TLN2: variants seen among roughly 807,000 people sequenced by gnomAD.
TLN2 encodes the protein talin-2.
A neutral mutation model predicts 294.7 loss-of-function variants in TLN2; 118 were observed. That is an observed-to-expected ratio of 0.40 (90% CI 0.34 to 0.47). The LOEUF (loss-of-function observed/expected upper bound fraction) is 0.47. Among genes scored for constraint, TLN2 ranks in the 20% least tolerant of loss-of-function variants. The pLI, the probability that TLN2 is intolerant of heterozygous loss-of-function variation, is 0.84. For missense variants in TLN2, 3,083 were observed against 3,282.2 expected, an observed-to-expected ratio of 0.94 and a Z score of 1.48; for synonymous variants, 1,431 against 1,304.5, an observed-to-expected ratio of 1.10 and a Z score of -2.09.
chr15:62,656,283 G>T (rs987234282), intron 8 of TLN2, among the ~76,000 whole-genome samples, 197 bp downstream of exon 8: 2 of 152,216 alleles, frequency 1.3e-5, no homozygotes, highest in African/African-American at 4.8e-5. Flanking sequence ...TGACCATCCG[G>T]AGTAGGGCCT....
chr15:62,495,238 A>G (rs1306632322), intron 1 of TLN2, among the ~76,000 whole-genome samples: 1 of 152,160 alleles, frequency 6.6e-6, no homozygotes, highest in Non-Finnish European at 1.5e-5. Context: ...CCTAGGACCT[A>G]AGAATAGAGA....
chr15:62,800,803 A>C, intron 50 of TLN2, 34 bp downstream of exon 50: 4 of 1,566,624 alleles, frequency 2.6e-6, no homozygotes, highest in Non-Finnish European at 3.5e-6. Flanking sequence ...CTTGGGTACC[A>C]GAGTCCCACA....
At position 62,501,602 on chromosome 15, in the gene TLN2, T is replaced by C. The variant is rs1303530698; in HGVS notation, c.-237-88085T>C. 2.0e-5 allele frequency among the ~76,000 whole-genome samples: 3 copies of C among 152,332 alleles called. No individual in the cohort carries two copies. The East Asian group carries it at 5.8e-4, about 29-fold the overall frequency. On this transcript the variant is annotated intron_variant, in intron 1 of 58. Transcript: ENST00000636159. ...TAAGACCACTTGCTGTGGTGCAGAA[T>C]ATCTGGATTTCAGAAGTGGCTGACA... is the stretch of plus-strand genomic sequence containing the variant.
intron 1 of TLN2, among the ~76,000 whole-genome samples, chr15:62,414,915 A>G (rs2033991219): frequency 7.1e-6 from 1 of 140,084 alleles, no homozygotes; most frequent in African/African-American, 2.6e-5. Context: ...TTATTTATTT[A>G]TTTATTTATT....
intron 14 of TLN2, among the ~76,000 whole-genome samples, chr15:62,696,518 C>G (rs1293342583): frequency 1.3e-5 from 2 of 152,114 alleles, no homozygotes; most frequent in Non-Finnish European, 2.9e-5. Context: ...ACCAGCCTGG[C>G]TAATATGGTG....
chr15:62,647,347 T>A lies in TLN2; in HGVS notation c.37T>A (p.Cys13Ser). ...GTCCTTAAAGATTTGTGTGCGCCAC[T>A]GCAACGTGGTGAAGACCATGCAGTT... is the stretch of plus-strand genomic sequence containing the variant. ...ALSLKICVRH[C>S]NVVKTMQFEP... Residue 13 changes from cysteine to serine, a missense_variant, in exon 4 of 59, where the codon TGC becomes AGC. Transcript: ENST00000636159. 6.2e-7 allele frequency: 1 copy of A among 1,614,230 alleles called. No homozygotes were observed. The highest frequency in any genetic ancestry group is 1.3e-5 in the African/African-American group (1 of 75,062).
chr15:62,783,271 CCT>C (rs2064340263), intron 44 of TLN2, among the ~76,000 whole-genome samples: 2 of 152,262 alleles, frequency 1.3e-5, no homozygotes, highest in Non-Finnish European at 2.9e-5. Context: ...GTCCTCATGC[CCT>C]CTCTCACCTG....
chr15:62,703,797 G>A (rs1393634685), intron 19 of TLN2, among the ~76,000 whole-genome samples: 2 of 152,000 alleles, frequency 1.3e-5, no homozygotes, highest in Non-Finnish European at 2.9e-5. Flanking sequence ...TCTGGGGAGC[G>A]ACTGTCACCA....
In TLN2 at chr15:62,707,225, C is replaced by G. The variant is rs1306064181; in HGVS notation, c.2144C>G (p.Ser715Cys). 3 of 1,613,060 alleles carry G rather than the reference C, an allele frequency of 1.9e-6. No individual in the cohort carries two copies. Among genetic ancestry groups the G allele is most frequent in the Non-Finnish European group, 2.5e-6 (3 of 1,179,350 alleles). ...VIAAATQCAL[S>C]TSQLVACAKV... Reference sequence around the variant, plus strand: ...GCTGCTGCCACCCAGTGTGCCCTCTCCACCTCCCAGCTTGTGGCATGTGCC... The same window carrying G: ...GCTGCTGCCACCCAGTGTGCCCTCTGCACCTCCCAGCTTGTGGCATGTGCC... The change falls in exon 20 of 59, where the codon TCC becomes TGC. Residue 715 changes from serine to cysteine, a missense_variant. Physicochemically the swap from Ser to Cys is moderately radical, Grantham distance 112. Transcript: ENST00000636159.
At chr15:62,752,464 GC>G in intron 35 of TLN2, 37 bp downstream of exon 35, 1 of 1,607,992 alleles carries the variant, frequency 6.2e-7, no homozygotes, top group Non-Finnish European at 8.5e-7. Context: ...TGTGCCCTGT[GC>G]CAGATCCCTG....
intron 1 of TLN2, among the ~76,000 whole-genome samples, chr15:62,548,487 T>C (rs923611914): frequency 1.4e-4 from 22 of 152,200 alleles, no homozygotes; most frequent in African/African-American, 5.3e-4. Flanking sequence ...CACAGGGTTC[T>C]CTAGGTGTGT....
chr15:62,620,155 A>AT (rs1192824171), intron 3 of TLN2, among the ~76,000 whole-genome samples: 1 of 151,230 alleles, frequency 6.6e-6, no homozygotes, highest in African/African-American at 2.4e-5. Context: ...TTTTATTTTT[A>AT]TTTTTTGTAG....
intron 1 of TLN2, among the ~76,000 whole-genome samples, chr15:62,503,688 C>T (rs1010230092): frequency 1.3e-5 from 2 of 152,200 alleles, no homozygotes; most frequent in Non-Finnish European, 2.9e-5. Context: ...TCTCTTGGCT[C>T]TTTGCCAGCT....
At chr15:62,685,481 T>C (rs2057207839) in intron 11 of TLN2, among the ~76,000 whole-genome samples, 1 of 152,198 alleles carries the variant, frequency 6.6e-6, no homozygotes, top group Non-Finnish European at 1.5e-5. Flanking sequence ...TATAACTTTT[T>C]TTTAAACTAA....
rs536384718 is a variant in TLN2 at position 62,842,963 on chromosome 15, G to T, written c.*2353G>T. On this transcript the variant is annotated 3_prime_UTR_variant, in exon 59 of 59. Transcript: ENST00000636159. The stretch of plus-strand genomic sequence containing the variant: ...TGGTTTCTCATTTCATAAGATAGTT[G>T]AAGGGCCATGCCTTGTCTGGATGTT... 1 of 152,184 alleles carries T rather than the reference G, an allele frequency of 6.6e-6. No individual in the cohort carries two copies. Among genetic ancestry groups the T allele is most frequent in the Non-Finnish European group, 1.5e-5 (1 of 68,058 alleles). The allele number at this position is 152,184 out of a possible 1,614,324, so 9.4% of individuals were successfully genotyped here. A position where few individuals can be genotyped will look rare whatever the true frequency, so the allele number is the denominator to read the frequency against.
chr15:62,480,715 G>A (rs923470350), intron 1 of TLN2, among the ~76,000 whole-genome samples: 2 of 152,066 alleles, frequency 1.3e-5, no homozygotes, highest in African/African-American at 2.4e-5. Flanking sequence ...CATGCCCTAC[G>A]TTACCACACT....
At chr15:62,835,402 G>A (rs2069405482) in intron 55 of TLN2, 1 of 329,296 alleles carries the variant, frequency 3.0e-6, no homozygotes, top group Non-Finnish European at 5.6e-6. Context: ...ATGAAATGGA[G>A]AAAGCTCAGC....
chr15:62,468,755 TA>T (rs58950622), intron 1 of TLN2, among the ~76,000 whole-genome samples: 8 of 131,112 alleles, frequency 6.1e-5, no homozygotes, highest in African/African-American at 9.2e-5. Flanking sequence ...AAAAAAAAAA[TA>T]AAAATAAAAA....
At chr15:62,470,627 G>C (rs1046674676) in intron 1 of TLN2, among the ~76,000 whole-genome samples, 1 of 152,228 alleles carries the variant, frequency 6.6e-6, no homozygotes, top group African/African-American at 2.4e-5. Context: ...CTGGGCAGGT[G>C]AGAATGGTAT....
Sources: gnomAD v4.1 joint callset for allele counts (sites outside exome capture counted in the v4.1 genomes callset) on GRCh38, gnomAD v4.1.1 for gene constraint, MANE v1.5 for transcripts, NCBI Gene and HGNC (gene_info 2026-07-23, HGNC 2026-07-21) for gene names.